Variants in NRG1 observed in about 807,000 individuals in gnomAD.
The protein encoded by NRG1 is neuregulin 1, also known as pro-neuregulin-1, membrane-bound isoform.
A neutral mutation model predicts 63.8 loss-of-function variants in NRG1; 18 were observed. That is an observed-to-expected ratio of 0.28 (90% confidence interval 0.19 to 0.42). NRG1 has a LOEUF of 0.42. Among genes scored for constraint, NRG1 ranks in the 10% least tolerant of loss-of-function variants. NRG1 has a pLI of 1.00. For missense variants in NRG1, 762 were observed against 814.7 expected, an observed-to-expected ratio of 0.94 and a Z score of 0.79; for synonymous variants, 302 against 301.3, an observed-to-expected ratio of 1.00 and a Z score of -0.02.
chr8:32,309,457 T>C (rs1272518861), intron 1 of NRG1, among the ~76,000 whole-genome samples: 1 of 152,196 alleles, frequency 6.6e-6, no homozygotes, highest in Non-Finnish European at 1.5e-5. Flanking sequence ...GACTTCACTG[T>C]CTTGTGAAGA....
exon 1 of NRG1, chr8:31,639,259 G>A: frequency 9.2e-7 from 1 of 1,091,244 alleles, no homozygotes; most frequent in South Asian, 1.4e-5. Flanking sequence ...AGCCTCCGCA[G>A]CCCACTCGGA....
chr8:31,962,259 C>G (rs1200915636), intron 1 of NRG1, among the ~76,000 whole-genome samples: 1 of 152,160 alleles, frequency 6.6e-6, no homozygotes, highest in Non-Finnish European at 1.5e-5. Flanking sequence ...TTTCCTCAGA[C>G]AATTCAGCTA....
intron 1 of NRG1, among the ~76,000 whole-genome samples, chr8:31,892,643 T>C (rs986313705): frequency 3.3e-5 from 5 of 152,082 alleles, no homozygotes; most frequent in Admixed American, 6.6e-5. Context: ...TCTCTGGGGG[T>C]TTGATAATCC....
intron 1 of NRG1, among the ~76,000 whole-genome samples, chr8:31,962,940 A>T (rs1370820618): frequency 6.6e-6 from 1 of 152,230 alleles, no homozygotes; most frequent in Non-Finnish European, 1.5e-5. Flanking sequence ...TTAAAGGAGA[A>T]AAGAGACATA....
intron 1 of NRG1, among the ~76,000 whole-genome samples, chr8:32,372,229 A>G (rs1286269385): frequency 1.3e-5 from 2 of 151,504 alleles, no homozygotes; most frequent in Non-Finnish European, 2.9e-5. Context: ...CCTCAAACAA[A>G]TCCTCTCTCC....
intron 1 of NRG1, among the ~76,000 whole-genome samples, chr8:31,963,958 T>C (rs566447273): frequency 1.1e-3 from 164 of 152,232 alleles, no homozygotes; most frequent in Non-Finnish European, 2.1e-3. Flanking sequence ...AGGTAGAAAA[T>C]GTATTGGAGG....
rs1288082546 is a variant in NRG1 at position 32,068,320 on chromosome 8, GC to G, written c.37+428890del. Among the ~76,000 whole-genome samples the G allele has an allele frequency of 5.9e-5, 9 of 152,252 alleles. 1 individual carries two copies. The highest frequency in any genetic ancestry group is 2.2e-4 in the African/African-American group (9 of 41,554). ...GCAGGCTGAGGTGGGATTAGTAATT[GC>G]AAAAGCAGTGGTCATAAGGTGAAGA... On this transcript the variant is annotated intron_variant, in intron 1 of 10. Coordinates refer to the NRG1 transcript ENST00000519301.
At chr8:32,328,509 C>T (rs1215550211) in intron 1 of NRG1, among the ~76,000 whole-genome samples, 2 of 151,228 alleles carry the variant, frequency 1.3e-5, no homozygotes, top group African/African-American at 4.9e-5. Flanking sequence ...TTCAAATATC[C>T]ATGTGGCATC....
intron 1 of NRG1, among the ~76,000 whole-genome samples, chr8:32,444,931 C>T (rs762308447): frequency 6.6e-6 from 1 of 152,156 alleles, no homozygotes; most frequent in Non-Finnish European, 1.5e-5. Flanking sequence ...TTCTGCAGAG[C>T]AAGATCAAAC....
chr8:32,731,230 C>T (rs1222021481), intron 6 of NRG1, among the ~76,000 whole-genome samples: 1 of 152,188 alleles, frequency 6.6e-6, no homozygotes, highest in Non-Finnish European at 1.5e-5. Flanking sequence ...TTTTTCTTCA[C>T]TCAACACAGT....
chr8:32,300,782 T>A (rs139112215), intron 1 of NRG1, among the ~76,000 whole-genome samples: 1 of 152,338 alleles, frequency 6.6e-6, no homozygotes, highest in African/African-American at 2.4e-5. Context: ...TTTAGGGGGT[T>A]GACAGCCAGT....
At chr8:31,842,601 G>A (rs1826295994) in intron 1 of NRG1, among the ~76,000 whole-genome samples, 1 of 151,980 alleles carries the variant, frequency 6.6e-6, no homozygotes. Flanking sequence ...ACTCCTTCCT[G>A]CACTTTTATC....
intron 2 of NRG1, among the ~76,000 whole-genome samples, chr8:32,600,235 T>G (rs1349531153): frequency 6.6e-6 from 1 of 151,798 alleles, no homozygotes; most frequent in Non-Finnish European, 1.5e-5. Flanking sequence ...CAAGACCCCG[T>G]CTCTATACTT....
At chr8:32,647,024 AGAG>A (rs1853702497) in intron 5 of NRG1, 1 of 980,824 alleles carries the variant, frequency 1.0e-6, no homozygotes, top group African/African-American at 1.8e-5. Flanking sequence ...AGAAGGACAA[AGAG>A]GAGTAGTCGG....
chr8:31,646,623 A>G (rs1209645948), intron 1 of NRG1, among the ~76,000 whole-genome samples: 1 of 152,202 alleles, frequency 6.6e-6, no homozygotes, highest in Non-Finnish European at 1.5e-5. Flanking sequence ...TATAACTACC[A>G]CTTATGGAGT....
chr8:32,512,379 G>A (rs971076869), intron 1 of NRG1, among the ~76,000 whole-genome samples: 4 of 152,102 alleles, frequency 2.6e-5, no homozygotes, highest in South Asian at 2.1e-4. Flanking sequence ...ATAACAGAAT[G>A]GTAAAATGCA....
chr8:32,093,275 G>C (rs1829449776), intron 1 of NRG1, among the ~76,000 whole-genome samples: 1 of 152,150 alleles, frequency 6.6e-6, no homozygotes, highest in Non-Finnish European at 1.5e-5. Flanking sequence ...AACACCCACA[G>C]GTGTGGAGGG....
At chr8:32,338,720 T>C (rs1014982093) in intron 1 of NRG1, among the ~76,000 whole-genome samples, 2 of 152,176 alleles carry the variant, frequency 1.3e-5, no homozygotes, top group African/African-American at 4.8e-5. Flanking sequence ...ATGTTAGAAA[T>C]ATATAGTTGC....
chr8:32,257,212 C>T (rs1809592), intron 1 of NRG1, among the ~76,000 whole-genome samples: 113,271 of 152,008 alleles, frequency 0.75, 43,282 homozygotes, highest in African/African-American at 0.91. Flanking sequence ...GGATCTTAGC[C>T]TGCTGGGCTC....
Sources: allele counts gnomAD v4.1 joint callset (sites outside exome capture counted in the v4.1 genomes callset), GRCh38; gene constraint gnomAD v4.1.1; transcripts MANE v1.5; gene names NCBI Gene and HGNC (gene_info 2026-07-23, HGNC 2026-07-21).